CATSPER3: variants seen among roughly 807,000 people sequenced by gnomAD.
The protein encoded by CATSPER3 is cation channel sperm-associated protein 3.
Under a neutral mutation model 36.6 loss-of-function variants are expected in CATSPER3, and 23 were observed. The observed-to-expected ratio is 0.63, with a 90% CI of 0.45 to 0.89. CATSPER3 has a LOEUF of 0.89. Among genes scored for constraint, CATSPER3 ranks in the 40% least tolerant of loss-of-function variants. The probability of loss-of-function intolerance (pLI) is 0.00; values close to 1 mark genes in which losing one functional copy is unlikely to be tolerated. For synonymous variants in CATSPER3, 172 were observed against 184.1 expected (o/e 0.93, Z 0.53); for missense variants, 474 against 503.9 (o/e 0.94, Z 0.57).
chr5:134,990,128 G>A (rs549023295), intron 2 of CATSPER3, among the ~76,000 whole-genome samples: 5 of 152,254 alleles, frequency 3.3e-5, no homozygotes, highest in Admixed American at 2.0e-4. Flanking sequence ...CGTGAACCCC[G>A]AAAATCTGAG....
rs1751553232 is a variant in CATSPER3 at position 134,967,924 on chromosome 5, GA to G, written c.-64del. 7.3e-6 allele frequency: 9 copies of G among 1,239,176 alleles called. No individual in the cohort carries two copies. Among genetic ancestry groups the G allele is most frequent in the South Asian group, 1.2e-5 (1 of 82,500 alleles). 76.8% of individuals were successfully genotyped at this position (1,239,176 alleles called of 1,614,324 possible). On this transcript the variant is annotated 5_prime_UTR_variant, in exon 1 of 8. Transcript: ENST00000282611. ...TGCCTCTCAGAATCCAGACGCTAAG[GA>G]AAATCCCTAAGCAGAGATTTTCTGT...
At chr5:135,006,408 TCCTC>T (rs1335618599) in intron 3 of CATSPER3, among the ~76,000 whole-genome samples, 3 of 152,270 alleles carry the variant, frequency 2.0e-5, no homozygotes, top group Admixed American at 6.5e-5. Flanking sequence ...CACCCAGTGT[TCCTC>T]CCTTCCCACT....
intron 2 of CATSPER3, among the ~76,000 whole-genome samples, chr5:134,982,554 TATAAA>T (rs145937250): frequency 0.013 from 1,903 of 152,188 alleles, 25 homozygotes; most frequent in African/African-American, 0.044. Flanking sequence ...ATGTTTAAAA[TATAAA>T]AGAAAAAATA....
intron 2 of CATSPER3, among the ~76,000 whole-genome samples, chr5:134,991,406 T>C (rs1221907881): frequency 1.3e-5 from 2 of 152,174 alleles, no homozygotes; most frequent in African/African-American, 4.8e-5. Flanking sequence ...TACAAAGATA[T>C]AGTAATCAAA....
At chr5:135,010,125 C>T (rs977648965) in intron 6 of CATSPER3, among the ~76,000 whole-genome samples, 2 of 152,138 alleles carry the variant, frequency 1.3e-5, no homozygotes, top group Non-Finnish European at 2.9e-5. Flanking sequence ...CAAGGTTCGT[C>T]CAGGGTTGGG....
intron 7 of CATSPER3, 128 bp downstream of exon 7, chr5:135,010,658 C>T: frequency 1.2e-6 from 1 of 830,776 alleles, no homozygotes; most frequent in Non-Finnish European, 2.0e-6. Context: ...TGGAACATGG[C>T]TTTCTTGGGG....
chr5:134,979,677 T>C (rs1751724446), intron 2 of CATSPER3, among the ~76,000 whole-genome samples: 1 of 152,156 alleles, frequency 6.6e-6, no homozygotes, highest in Non-Finnish European at 1.5e-5. Flanking sequence ...GGGAGATTCT[T>C]TGGATAAGTA....
chr5:134,990,118 C>T (rs1023705843), intron 2 of CATSPER3, among the ~76,000 whole-genome samples: 7 of 152,012 alleles, frequency 4.6e-5, no homozygotes, highest in African/African-American at 1.2e-4. Flanking sequence ...ATTAAAATAG[C>T]GTGAACCCCG....
intron 2 of CATSPER3, among the ~76,000 whole-genome samples, chr5:134,980,396 CCCTCCTTCCTTT>C (rs1438835895): frequency 6.8e-6 from 1 of 146,350 alleles, no homozygotes; most frequent in African/African-American, 2.5e-5. Flanking sequence ...TTCCCTCCTT[CCCTCCTTCCTTT>C]CCTCCTTTCT....
At chr5:134,972,457 A>G (rs1355941691) in intron 2 of CATSPER3, among the ~76,000 whole-genome samples, 1 of 152,226 alleles carries the variant, frequency 6.6e-6, no homozygotes, top group Non-Finnish European at 1.5e-5. Context: ...AGAAGTGAAA[A>G]GACAAAACTC....
Position 135,011,636 on chromosome 5 carries a change from C to A in CATSPER3, c.*13C>A. 3 of 1,573,568 alleles carry A rather than the reference C, an allele frequency of 1.9e-6. No individual in the cohort carries two copies. The highest frequency in any genetic ancestry group is 8.7e-7 in the Non-Finnish European group (1 of 1,143,990). On this transcript the variant is annotated 3_prime_UTR_variant, in exon 8 of 8. Transcript: ENST00000282611. ...GGATGAGAAGTAGCTGGGCATGGGG[C>A]ACCCATGTGCCGAGAGCCTTGCAGA...
chr5:134,996,684 G>T (rs1022395750), intron 3 of CATSPER3, among the ~76,000 whole-genome samples, 172 bp downstream of exon 3: 7 of 152,212 alleles, frequency 4.6e-5, no homozygotes, highest in Non-Finnish European at 1.0e-4. Flanking sequence ...ACAATTCTAA[G>T]AATGGTATTA....
At chr5:134,970,589 T>G (rs995179024) in intron 2 of CATSPER3, among the ~76,000 whole-genome samples, 1 of 149,574 alleles carries the variant, frequency 6.7e-6, no homozygotes, top group African/African-American at 2.5e-5. Flanking sequence ...TTTTTTTTTT[T>G]GAGACAGAGT....
chr5:134,996,625 C>T (rs567478207), intron 3 of CATSPER3, 113 bp downstream of exon 3: 27 of 1,025,538 alleles, frequency 2.6e-5, no homozygotes, highest in Admixed American at 1.4e-4. Flanking sequence ...TTGAGTCCAA[C>T]GTGTGTGGCA....
chr5:135,006,431 G>T (rs777765458), intron 3 of CATSPER3, among the ~76,000 whole-genome samples: 1 of 152,136 alleles, frequency 6.6e-6, no homozygotes, highest in Non-Finnish European at 1.5e-5. Context: ...CTCAAAACCT[G>T]ATCTGCAGAC....
chr5:135,010,359 G>A lies in CATSPER3; in HGVS notation c.937-14G>A, dbSNP rs967249123. 6.2e-7 allele frequency: 1 copy of A among 1,613,162 alleles called. No individual in the cohort carries two copies. Among genetic ancestry groups the A allele is most frequent in the Non-Finnish European group, 8.5e-7 (1 of 1,179,122 alleles). ...CTCCTCATCACTGCTCTCTCGTTAT[G>A]CTTTCCTCTCTAGAAAAATGCTGAC... On this transcript the variant is annotated splice_polypyrimidine_tract_variant and intron_variant, in intron 6 of 7. Coordinates refer to ENST00000282611, the MANE Select transcript of CATSPER3 (RefSeq NM_178019.3).
At chr5:134,991,166 T>A (rs1280514833) in intron 2 of CATSPER3, among the ~76,000 whole-genome samples, 1 of 152,230 alleles carries the variant, frequency 6.6e-6, no homozygotes, top group Non-Finnish European at 1.5e-5. Flanking sequence ...AAAGACATCC[T>A]GTGTTCATGG....
rs1289276196 is a variant in CATSPER3 at position 134,967,956 on chromosome 5, G to A, written c.-36G>A. The A allele has an allele frequency of 6.7e-7, 1 of 1,486,790 alleles. No individual in the cohort carries two copies. Among genetic ancestry groups the A allele is most frequent in the Non-Finnish European group, 9.4e-7 (1 of 1,064,274 alleles). 92.1% of individuals were successfully genotyped at this position (1,486,790 alleles called of 1,614,324 possible). ...CCTAAGCAGAGATTTTCTGTTGGAT[G>A]CTAAAAGCAAGGAATAAAAGTTGAA... On this transcript the variant is annotated 5_prime_UTR_variant, in exon 1 of 8. An upstream start codon of the reference 5' UTR is lost. Transcript: ENST00000282611.
intron 3 of CATSPER3, among the ~76,000 whole-genome samples, chr5:135,006,947 G>A (rs1752096365): frequency 6.6e-6 from 1 of 152,110 alleles, no homozygotes; most frequent in Admixed American, 6.5e-5. Context: ...CATCTGGTGT[G>A]CATTCACCCC....
Sources: gnomAD v4.1 joint callset for allele counts (sites outside exome capture counted in the v4.1 genomes callset) on GRCh38, gnomAD v4.1.1 for gene constraint, MANE v1.5 for transcripts, NCBI Gene and HGNC (gene_info 2026-07-23, HGNC 2026-07-21) for gene names.